The following AGBL1 variants were observed in gnomAD, a reference collection of about 807,000 sequenced individuals.
The protein encoded by AGBL1 is cytosolic carboxypeptidase 4.
In AGBL1, 130 loss-of-function variants were observed where a neutral mutation model predicts 118.9. The observed-to-expected ratio is 1.09, with a 90% confidence interval of 0.95 to 1.26. The LOEUF (loss-of-function observed/expected upper bound fraction) is 1.26, where lower values mean the gene tolerates loss of function less well. Among genes scored for constraint, AGBL1 ranks in the 50% most tolerant of loss-of-function variants. The probability of loss-of-function intolerance (pLI) is 0.00; values close to 1 mark genes in which losing one functional copy is unlikely to be tolerated. For synonymous variants in AGBL1, 555 were observed against 478.9 expected (o/e 1.16, Z -2.08); for missense variants, 1,584 against 1,298.1 (o/e 1.22, Z -3.38).
chr15:86,094,206 T>G lies in AGBL1; in HGVS notation c.51+14183T>G, dbSNP rs574257843. ...TAAGCTCTCATTTATAAGCTTGTGA[T>G]TAATTTTCGACCAAAACTCTCCCTA... On this transcript the variant is annotated intron_variant, in intron 1 of 22. Coordinates refer to ENST00000614907, the MANE Select transcript of AGBL1 (RefSeq NM_001386094.1). Among the ~76,000 whole-genome samples the G allele has an allele frequency of 6.6e-4, 101 of 152,250 alleles. 1 individual carries two copies. The highest frequency in any genetic ancestry group is 2.2e-3 in the African/African-American group (90 of 41,560).
At chr15:86,918,952 T>C (rs6496372), downstream of AGBL1, among the ~76,000 whole-genome samples, 122,663 of 151,764 alleles carry the variant, frequency 0.81, 49,714 homozygotes, top group Non-Finnish European at 0.85. Flanking sequence ...CTGTCTGTCA[T>C]GTCCGTGCGT....
intron 5 of AGBL1, among the ~76,000 whole-genome samples, chr15:86,183,360 G>A (rs948408340): frequency 1.3e-5 from 2 of 152,008 alleles, no homozygotes; most frequent in Non-Finnish European, 2.9e-5. Context: ...AAAGTAAAAG[G>A]TATTCAATCC....
intron 18 of AGBL1, among the ~76,000 whole-genome samples, chr15:86,498,722 A>G (rs532907041): frequency 1.3e-5 from 2 of 152,074 alleles, no homozygotes; most frequent in East Asian, 1.9e-4. Context: ...GATACTGGTG[A>G]GAATAATCAT....
intron 17 of AGBL1, among the ~76,000 whole-genome samples, chr15:86,395,961 G>A (rs190984280): frequency 7.6e-4 from 116 of 151,756 alleles, no homozygotes; most frequent in African/African-American, 2.8e-3. Flanking sequence ...CGGCTTTTTA[G>A]ATTCTGTATG....
chr15:86,660,665 G>T (rs932403184), intron 21 of AGBL1, among the ~76,000 whole-genome samples: 3 of 151,832 alleles, frequency 2.0e-5, no homozygotes, highest in Non-Finnish European at 4.4e-5. Context: ...CAATCTCATT[G>T]CTTTTAAGAC....
intron 5 of AGBL1, among the ~76,000 whole-genome samples, chr15:86,174,464 C>T (rs890372084): frequency 1.8e-4 from 28 of 151,990 alleles, no homozygotes; most frequent in African/African-American, 5.3e-4. Context: ...GAGATTGTTC[C>T]GGCTAGAACT....
At chr15:86,440,326 G>A (rs1366240405) in intron 18 of AGBL1, among the ~76,000 whole-genome samples, 1 of 151,896 alleles carries the variant, frequency 6.6e-6, no homozygotes, top group Non-Finnish European at 1.5e-5. Flanking sequence ...AATCACTTAT[G>A]GTAGGTTTAT....
intron 21 of AGBL1, among the ~76,000 whole-genome samples, chr15:86,658,203 C>G (rs2085490347): frequency 6.6e-6 from 1 of 152,006 alleles, no homozygotes; most frequent in Non-Finnish European, 1.5e-5. Context: ...ACAGCACTTT[C>G]AAAACTATCA....
chr15:86,866,362 G>A (rs759659566), intron 22 of AGBL1, among the ~76,000 whole-genome samples: 4 of 152,118 alleles, frequency 2.6e-5, no homozygotes, highest in African/African-American at 7.2e-5. Flanking sequence ...ACTTCATGTC[G>A]CTATGGCATT....
chr15:86,582,185 C>G (rs529499426), intron 21 of AGBL1, among the ~76,000 whole-genome samples: 3 of 152,222 alleles, frequency 2.0e-5, no homozygotes, highest in Middle Eastern at 3.4e-3. Context: ...TATTGAGAAC[C>G]ATTGCTTAGT....
chr15:86,412,713 T>C (rs2081639832), intron 18 of AGBL1, among the ~76,000 whole-genome samples: 1 of 152,190 alleles, frequency 6.6e-6, no homozygotes, highest in African/African-American at 2.4e-5. Flanking sequence ...ATTTGAAATA[T>C]AGGGCAAATA....
chr15:86,923,491 C>T (rs1042292374), intron 23 of AGBL1, among the ~76,000 whole-genome samples: 1 of 152,158 alleles, frequency 6.6e-6, no homozygotes, highest in African/African-American at 2.4e-5. Flanking sequence ...CTCAGCTTAC[C>T]CCTGATCTGA....
intron 22 of AGBL1, among the ~76,000 whole-genome samples, chr15:86,823,041 G>T (rs992226591): frequency 2.0e-5 from 3 of 152,086 alleles, no homozygotes; most frequent in Non-Finnish European, 2.9e-5. Flanking sequence ...GATGGCTTTT[G>T]TTAACAATGC....
intron 22 of AGBL1, among the ~76,000 whole-genome samples, chr15:86,727,408 C>T (rs2086836809): frequency 6.6e-6 from 1 of 152,088 alleles, no homozygotes; most frequent in Admixed American, 6.5e-5. Flanking sequence ...AAAGAGATAT[C>T]ATTAATTTTT....
At chr15:86,586,020 A>AGGCATGCTGCCTGTC (rs1448875475) in intron 21 of AGBL1, among the ~76,000 whole-genome samples, 5 of 152,364 alleles carry the variant, frequency 3.3e-5, no homozygotes, top group East Asian at 3.9e-4. Flanking sequence ...TTAGACACAC[A>AGGCATGCTGCCTGTC]GGCATGCTGC....
Position 86,295,425 on chromosome 15 carries a change from C to T in AGBL1, c.2374+17C>T. The T allele has an allele frequency of 6.5e-7, 1 of 1,538,174 alleles. No homozygotes were observed. The highest frequency in any genetic ancestry group is 8.7e-7 in the Non-Finnish European group (1 of 1,145,906). On this transcript the variant is annotated intron_variant, in intron 17 of 22. Coordinates refer to ENST00000614907, the MANE Select transcript of AGBL1 (RefSeq NM_001386094.1). ...AGCAGTTCCGTGAGTAAAATGGGATCCTCTTCGTAGAAGATTTGACTAAGG... is the reference window on the plus strand; with the variant it reads ...AGCAGTTCCGTGAGTAAAATGGGATTCTCTTCGTAGAAGATTTGACTAAGG...
At chr15:86,242,158 T>A (rs1484325123) in intron 6 of AGBL1, among the ~76,000 whole-genome samples, 1 of 152,174 alleles carries the variant, frequency 6.6e-6, no homozygotes, top group East Asian at 1.9e-4. Flanking sequence ...ACAGTGGAAC[T>A]GTGAATCAAT....
chr15:86,230,622 T>C (rs560039024), intron 6 of AGBL1, among the ~76,000 whole-genome samples: 22 of 152,312 alleles, frequency 1.4e-4, no homozygotes, highest in Non-Finnish European at 2.5e-4. Context: ...AGTTTCCAGA[T>C]GAGGGCCATG....
At chr15:86,840,770 A>C (rs1474199241) in intron 22 of AGBL1, among the ~76,000 whole-genome samples, 1 of 152,082 alleles carries the variant, frequency 6.6e-6, no homozygotes, top group Non-Finnish European at 1.5e-5. Flanking sequence ...AGACAGGTAT[A>C]TTATTTTATT....
Sources: gnomAD v4.1 joint callset for allele counts (sites outside exome capture counted in the v4.1 genomes callset) on GRCh38, gnomAD v4.1.1 for gene constraint, MANE v1.5 for transcripts, NCBI Gene and HGNC (gene_info 2026-07-23, HGNC 2026-07-21) for gene names.